ZNF611: variants seen among roughly 807,000 people sequenced by gnomAD.
ZNF611 encodes the protein zinc finger protein 611.
In ZNF611, 6 loss-of-function variants were observed where a neutral mutation model predicts 8.9. That is an observed-to-expected ratio of 0.68 (90% CI 0.37 to 1.34). The LOEUF (loss-of-function observed/expected upper bound fraction) is 1.34, where lower values mean the gene tolerates loss of function less well. Among genes scored for constraint, ZNF611 ranks in the 40% most tolerant of loss-of-function variants. The pLI is 0.02. For synonymous variants in ZNF611, 262 were observed against 279.7 expected (o/e 0.94, Z 0.63); for missense variants, 874 against 841.3 (o/e 1.04, Z -0.48).
At chr19:52,734,097 C>T (rs1258293163) in intron 1 of ZNF611, among the ~76,000 whole-genome samples, 3 of 144,174 alleles carry the variant, frequency 2.1e-5, no homozygotes, top group African/African-American at 7.9e-5. Context: ...TGCTGCCACT[C>T]CCCCTACCTT....
At chr19:52,712,302 AGTAG>A (rs973922107) in intron 5 of ZNF611, among the ~76,000 whole-genome samples, 21 of 151,828 alleles carry the variant, frequency 1.4e-4, no homozygotes, top group African/African-American at 5.1e-4. Flanking sequence ...CCCCTGGCTG[AGTAG>A]GTAGAGATGT....
At position 52,729,506 on chromosome 19, in the gene ZNF611, AAAAAAAAAAAAAGAAAAG is replaced by A. The variant is rs1169088719; in HGVS notation, c.-122+382_-122+399del. ...AGACTCCATCTCAAAAAAAAAAAAAAAAAAAAAAAAAAGAAAAGAAAGAAAAAGAAAACAATGTTAATA... is the reference window on the plus strand; with the variant it reads ...AGACTCCATCTCAAAAAAAAAAAAAAAAAGAAAAAGAAAACAATGTTAATA... On this transcript the variant is annotated intron_variant, in intron 2 of 5. Coordinates refer to ENST00000652185, the MANE Select transcript of ZNF611 (RefSeq NM_001161499.2). Among the ~76,000 whole-genome samples, 369 of 148,358 alleles carry A rather than the reference AAAAAAAAAAAAAGAAAAG, an allele frequency of 2.5e-3. 1 individual carries two copies. Among genetic ancestry groups the A allele is most frequent in the African/African-American group, 7.6e-3 (300 of 39,726 alleles).
At chr19:52,709,108 C>T (rs11084178) in intron 5 of ZNF611, among the ~76,000 whole-genome samples, 70,186 of 151,940 alleles carry the variant, frequency 0.46, 17,218 homozygotes, top group African/African-American at 0.64. Context: ...CGAATGTTCG[C>T]ATTGGCTAAA....
At chr19:52,726,864 T>C (rs1257128342) in intron 3 of ZNF611, among the ~76,000 whole-genome samples, 1 of 152,154 alleles carries the variant, frequency 6.6e-6, no homozygotes, top group Non-Finnish European at 1.5e-5. Flanking sequence ...TTTTTTACTT[T>C]TTTCTTTCCT....
chr19:52,720,089 A>G (rs990333100), intron 3 of ZNF611, among the ~76,000 whole-genome samples: 1 of 152,226 alleles, frequency 6.6e-6, no homozygotes, highest in African/African-American at 2.4e-5. Flanking sequence ...GGTTGGGGGT[A>G]GGGTTACACA....
At chr19:52,712,737 C>T (rs1385583311) in intron 5 of ZNF611, among the ~76,000 whole-genome samples, 6 of 152,092 alleles carry the variant, frequency 3.9e-5, no homozygotes, top group East Asian at 1.9e-4. Context: ...GATTCACCCA[C>T]GCACTTCCAA....
rs372807693 is a variant in ZNF611, at chr19:52,725,388, G to A, written c.-20+3342C>T. Among the ~76,000 whole-genome samples, 174 of 152,332 alleles carry A rather than the reference G, an allele frequency of 1.1e-3. 1 individual carries two copies. Among genetic ancestry groups the A allele is most frequent in the African/African-American group, 3.7e-3 (154 of 41,576 alleles). ...GCTGCGCTCCAGGGGAGGCCGACGGGGGCTGGGAGGCGCCCAGGGCGGGAA... is the reference window on the plus strand; with the variant it reads ...GCTGCGCTCCAGGGGAGGCCGACGGAGGCTGGGAGGCGCCCAGGGCGGGAA... On this transcript the variant is annotated intron_variant, in intron 3 of 5. Coordinates refer to ENST00000652185, the MANE Select transcript of ZNF611 (RefSeq NM_001161499.2).
In ZNF611 at chr19:52,705,274, T is replaced by A. The variant is rs773609073; in HGVS notation, c.1781A>T (p.Tyr594Phe). 3.7e-6 allele frequency: 6 copies of A among 1,614,156 alleles called. No individual in the cohort carries two copies. ...HHRVHSGEKPYKCNECSKTFS... is the reference protein window; with the variant it reads ...HHRVHSGEKPFKCNECSKTFS... ...GGTCTTGCTGCACTCATTACACTTG[T>A]AAGGTTTCTCACCACTATGAACTCT... Residue 594 changes from tyrosine to phenylalanine, a missense_variant, in exon 6 of 6, where the codon TAC becomes TTC. By Grantham distance (22) the Tyr-to-Phe change is conservative. Coordinates refer to ENST00000652185, the MANE Select transcript of ZNF611 (RefSeq NM_001161499.2).
rs1280746263 is a variant in ZNF611 at position 52,704,613 on chromosome 19, CTCT to C, written c.*321_*323del. The C allele has an allele frequency of 5.9e-5, 94 of 1,581,508 alleles. No individual in the cohort carries two copies. Among genetic ancestry groups the C allele is most frequent in the East Asian group, 1.6e-4 (7 of 44,740 alleles). ...CACATTTATTACACTTGTAAGATCTCTCTTCATTATGGATTCTCCAATGATTTG... is the reference window on the plus strand; with the variant it reads ...CACATTTATTACACTTGTAAGATCTCTCATTATGGATTCTCCAATGATTTG... On this transcript the variant is annotated 3_prime_UTR_variant, in exon 6 of 6. Transcript: ENST00000652185.
At chr19:52,724,157 C>A (rs1361726402) in intron 3 of ZNF611, 2 of 152,234 alleles carry the variant, frequency 1.3e-5, no homozygotes, top group Admixed American at 6.5e-5. Context: ...ATGGTCAGGT[C>A]TTTCCCTTCC....
In ZNF611 at chr19:52,705,104, T is replaced by C; in HGVS notation, c.1951A>G (p.Lys651Glu). 1 of 1,614,160 alleles carries C rather than the reference T, an allele frequency of 6.2e-7. No homozygotes were observed. The highest frequency in any genetic ancestry group is 8.5e-7 in the Non-Finnish European group (1 of 1,180,034). ...AAAGCCTTGTCACAAATTGTACATT[T>C]GTAAGATTTCTCTCCAGTATGAAGT... ...RRLHTGEKSYKCTICDKAFVR... is the reference protein window; with the variant it reads ...RRLHTGEKSYECTICDKAFVR... Residue 651 changes from lysine (K) to glutamate (E), a missense_variant, in exon 6 of 6, where the codon AAA becomes GAA. Transcript: ENST00000652185.
At chr19:52,712,844 T>C (rs1418592477) in intron 5 of ZNF611, among the ~76,000 whole-genome samples, 1 of 152,118 alleles carries the variant, frequency 6.6e-6, no homozygotes, top group Admixed American at 6.5e-5. Context: ...GACAGATAAA[T>C]ATACGAACAA....
intron 1 of ZNF611, among the ~76,000 whole-genome samples, chr19:52,731,584 G>C (rs2062426001): frequency 2.0e-5 from 3 of 151,860 alleles, no homozygotes; most frequent in African/African-American, 7.3e-5. Flanking sequence ...GGCCAGGCTG[G>C]TATCGAACTC....
intron 5 of ZNF611, among the ~76,000 whole-genome samples, chr19:52,709,647 A>C (rs1006053314): frequency 5.9e-5 from 9 of 151,718 alleles, no homozygotes; most frequent in East Asian, 2.0e-4. Context: ...GGATCACCAC[A>C]ACCACCGCCT....
At chr19:52,715,679 A>G (rs551675482) in intron 4 of ZNF611, among the ~76,000 whole-genome samples, 153 bp downstream of exon 4, 1 of 152,296 alleles carries the variant, frequency 6.6e-6, no homozygotes, top group East Asian at 1.9e-4. Flanking sequence ...ATGGAATCTC[A>G]GAGCAGCTGA....
At chr19:52,708,145 A>G (rs556998051) in intron 5 of ZNF611, 1 of 152,308 alleles carries the variant, frequency 6.6e-6, no homozygotes, top group Non-Finnish European at 1.5e-5. Flanking sequence ...AGCACACAAT[A>G]TAAGAACTGA....
At position 52,704,227 on chromosome 19, in the gene ZNF611, T is replaced by A. The variant is rs138946365; in HGVS notation, c.*710A>T. The A allele has an allele frequency of 7.7e-4, 327 of 424,444 alleles. No individual in the cohort carries two copies. Among genetic ancestry groups the A allele is most frequent in the African/African-American group, 5.5e-3 (267 of 48,394 alleles). 26.3% of individuals were successfully genotyped at this position (424,444 alleles called of 1,614,324 possible). ...CAAGTCAATGCTGAATTGACTCCAA[T>A]GTCAATTAATGCTTGATGGTTTGCT... On this transcript the variant is annotated 3_prime_UTR_variant, in exon 6 of 6. Coordinates refer to ENST00000652185, the MANE Select transcript of ZNF611 (RefSeq NM_001161499.2).
chr19:52,714,816 G>A (rs1271988679), intron 4 of ZNF611, among the ~76,000 whole-genome samples: 1 of 150,982 alleles, frequency 6.6e-6, no homozygotes, highest in Non-Finnish European at 1.5e-5. Flanking sequence ...TGGTCAACAT[G>A]GCAAAACCAT....
At chr19:52,718,416 A>G (rs1003614339) in intron 3 of ZNF611, among the ~76,000 whole-genome samples, 2 of 151,878 alleles carry the variant, frequency 1.3e-5, no homozygotes, top group Admixed American at 1.3e-4. Context: ...GAGGTGGGAA[A>G]ATCACTTGAG....
Sources: allele counts gnomAD v4.1 joint callset (sites outside exome capture counted in the v4.1 genomes callset), GRCh38; gene constraint gnomAD v4.1.1; transcripts MANE v1.5; gene names NCBI Gene and HGNC (gene_info 2026-07-23, HGNC 2026-07-21).